VDAC3: variants seen among roughly 807,000 people sequenced by gnomAD.
VDAC3 encodes voltage dependent anion channel 3, also known as non-selective voltage-gated ion channel VDAC3.
Under a neutral mutation model 33.9 loss-of-function variants are expected in VDAC3, and 7 were observed. The ratio of observed to expected loss-of-function variants is 0.21; its 90% confidence interval spans 0.12 to 0.39. The LOEUF is 0.39. Among genes scored for constraint, VDAC3 ranks in the 10% least tolerant of loss-of-function variants. The pLI is 1.00. For synonymous variants in VDAC3, 100 were observed against 122.4 expected (o/e 0.82, Z 1.21); for missense variants, 261 against 334.5 (o/e 0.78, Z 1.71).
chr8:42,395,790 T>C (rs2130886266), intron 4 of VDAC3, among the ~76,000 whole-genome samples: 1 of 151,056 alleles, frequency 6.6e-6, no homozygotes, highest in East Asian at 2.0e-4. Flanking sequence ...AAACCCCGTC[T>C]CTACTAAAAA....
At chr8:42,403,669 A>G (rs1480023474) in intron 8 of VDAC3, among the ~76,000 whole-genome samples, 1 of 152,232 alleles carries the variant, frequency 6.6e-6, no homozygotes, top group Non-Finnish European at 1.5e-5. Context: ...TGAGGTCAGG[A>G]GTTCAAGACC....
intron 1 of VDAC3, among the ~76,000 whole-genome samples, chr8:42,393,534 G>T (rs1019187834): frequency 2.6e-5 from 4 of 152,222 alleles, no homozygotes; most frequent in African/African-American, 9.6e-5. Flanking sequence ...AAGCTGGGCA[G>T]ATTTTTAGTA....
At chr8:42,398,584 G>A (rs1263078023) in intron 4 of VDAC3, 128 bp from the exon 5 acceptor site, 21 of 945,016 alleles carry the variant, frequency 2.2e-5, no homozygotes, top group Non-Finnish European at 3.2e-5. Context: ...GAAAGAAGTT[G>A]CTCTAGAGTA....
At position 42,395,122 on chromosome 8, in the gene VDAC3, T is replaced by C. The variant is rs750040221; in HGVS notation, c.106T>C (p.Cys36Arg). 3.1e-6 allele frequency: 5 copies of C among 1,613,840 alleles called. No homozygotes were observed. The highest frequency in any genetic ancestry group is 3.4e-6 in the Non-Finnish European group (4 of 1,179,960). ...CAAGATAGACCTGAAAACCAAGTCTTGTAGTGGAGTGGTGAGTATCTAATA... is the reference window on the plus strand; with the variant it reads ...CAAGATAGACCTGAAAACCAAGTCTCGTAGTGGAGTGGTGAGTATCTAATA... ...MVKIDLKTKS[C>R]SGVEFSTSGH... is the part of the protein sequence containing the mutation. Residue 36 changes from cysteine (C) to arginine (R), a missense_variant, in exon 4 of 10, where the codon TGT (cysteine) becomes CGT (arginine). Physicochemically the swap from Cys to Arg is radical, Grantham distance 180 (BLOSUM62 -3). Transcript: ENST00000022615.
At chr8:42,399,885 G>T (rs1184586542) in intron 6 of VDAC3, among the ~76,000 whole-genome samples, 182 bp downstream of exon 6, 1 of 152,140 alleles carries the variant, frequency 6.6e-6, no homozygotes, top group African/African-American at 2.4e-5. Flanking sequence ...ACCAAGGCAG[G>T]ATGAACAATT....
chr8:42,402,140 C>A, intron 7 of VDAC3, 125 bp downstream of exon 7: 1 of 1,062,978 alleles, frequency 9.4e-7, no homozygotes, highest in Non-Finnish European at 1.4e-6. Context: ...CCTTGCGGTG[C>A]TATCCTCATA....
chr8:42,403,539 G>A, intron 8 of VDAC3, 78 bp downstream of exon 8: 1 of 1,395,124 alleles, frequency 7.2e-7, no homozygotes, highest in Non-Finnish European at 9.7e-7. Context: ...TATGAGTGTA[G>A]TTTGCTTGTT....
At position 42,391,905 on chromosome 8, in the gene VDAC3, C is replaced by G. The variant is rs148297103; in HGVS notation, c.-66C>G. On this transcript the variant is annotated 5_prime_UTR_variant, in exon 1 of 10. Coordinates refer to ENST00000022615, the MANE Select transcript of VDAC3 (RefSeq NM_005662.7). ...GACCTTCAGCGTTGCCCTGGCGGAGCAGAGACAGGCCCTCGGGGTGGAGGT... is the reference window on the plus strand; with the variant it reads ...GACCTTCAGCGTTGCCCTGGCGGAGGAGAGACAGGCCCTCGGGGTGGAGGT... 2 of 152,402 alleles carry G rather than the reference C, an allele frequency of 1.3e-5. No individual in the cohort carries two copies. The highest frequency in any genetic ancestry group is 2.9e-5 in the Non-Finnish European group (2 of 68,160). The allele number at this position is 152,402 out of a possible 1,614,324, so 9.4% of individuals were successfully genotyped here.
chr8:42,396,892 T>C, intron 4 of VDAC3: 3 of 494,096 alleles, frequency 6.1e-6, no homozygotes, highest in Non-Finnish European at 1.1e-5. Flanking sequence ...ATATGCATGT[T>C]ATAAATGTGT....
At chr8:42,400,558 T>C (rs1343848260) in intron 6 of VDAC3, among the ~76,000 whole-genome samples, 1 of 152,076 alleles carries the variant, frequency 6.6e-6, no homozygotes, top group Admixed American at 6.5e-5. Flanking sequence ...GGGTCCATGC[T>C]ATCTGAAGGA....
At chr8:42,398,966 T>C in intron 5 of VDAC3, 102 bp downstream of exon 5, 1 of 1,356,876 alleles carries the variant, frequency 7.4e-7, no homozygotes, top group Non-Finnish European at 9.9e-7. Flanking sequence ...ACAACCTATC[T>C]AGTAGCCATA....
In VDAC3 at chr8:42,398,810, C is replaced by T; in HGVS notation, c.216C>T (p.Thr72=). Residue 72 remains threonine (T), a synonymous_variant, in exon 5 of 10, where the codon ACC becomes ACT. Coordinates refer to ENST00000022615, the MANE Select transcript of VDAC3 (RefSeq NM_005662.7). ...YKVCNYGLTF[T]QKWNTDNTLG... ...TCTGTAACTATGGACTTACCTTCAC[C>T]CAGAAATGGAACACAGACAATACTC... 1 of 1,613,872 alleles carries T rather than the reference C, an allele frequency of 6.2e-7. No homozygotes were observed. Among genetic ancestry groups the T allele is most frequent in the Non-Finnish European group, 8.5e-7 (1 of 1,179,978 alleles).
chr8:42,396,820 C>T (rs909809838), intron 4 of VDAC3: 11 of 594,234 alleles, frequency 1.9e-5, no homozygotes, highest in Non-Finnish European at 1.2e-5. Context: ...ATCTACTTAA[C>T]AGTAACATTT....
At chr8:42,402,412 C>G (rs1302530414) in intron 7 of VDAC3, among the ~76,000 whole-genome samples, 1 of 152,182 alleles carries the variant, frequency 6.6e-6, no homozygotes, top group African/African-American at 2.4e-5. Context: ...CCAAATTGAT[C>G]TGAGCATCCT....
chr8:42,397,587 A>G (rs900058248), intron 4 of VDAC3: 4 of 152,232 alleles, frequency 2.6e-5, no homozygotes, highest in Non-Finnish European at 4.4e-5. Context: ...CCCCAGAAGG[A>G]GGTCCATTTC....
chr8:42,395,023 C>T lies in VDAC3; in HGVS notation c.68-61C>T, dbSNP rs1338485876. The T allele has an allele frequency of 2.5e-6, 4 of 1,608,142 alleles. No homozygotes were observed. The East Asian group carries it at 8.9e-5, about 36-fold the overall frequency. On this transcript the variant is annotated intron_variant, in intron 3 of 9. Coordinates refer to ENST00000022615, the MANE Select transcript of VDAC3 (RefSeq NM_005662.7). ...AGGCTATTTCATAATTTCTGAGTTG[C>T]AAAAACTAGTGAATGTCACATTTTG...
chr8:42,396,749 A>T, intron 4 of VDAC3: 1 of 663,280 alleles, frequency 1.5e-6, no homozygotes, highest in Non-Finnish European at 2.7e-6. Context: ...TTGATTTAGG[A>T]TAAATTTCAA....
intron 8 of VDAC3, among the ~76,000 whole-genome samples, chr8:42,404,419 C>T (rs775167698): frequency 1.3e-5 from 2 of 152,150 alleles, no homozygotes; most frequent in Non-Finnish European, 1.5e-5. Flanking sequence ...ACAAGTCCTA[C>T]TGACTTCTTA....
chr8:42,405,327 T>C, intron 9 of VDAC3, 44 bp from the exon 10 acceptor site: 1 of 1,504,692 alleles, frequency 6.6e-7, no homozygotes, highest in Non-Finnish European at 9.2e-7. Context: ...CAGATCTAAT[T>C]GTAATACTTG....
Sources: gnomAD v4.1 joint callset for allele counts (sites outside exome capture counted in the v4.1 genomes callset) on GRCh38, gnomAD v4.1.1 for gene constraint, MANE v1.5 for transcripts, NCBI Gene and HGNC (gene_info 2026-07-23, HGNC 2026-07-21) for gene names.